The following ERCC8 variants were observed in gnomAD, a reference collection of about 807,000 sequenced individuals.
The protein encoded by ERCC8 is DNA excision repair protein ERCC-8.
A neutral mutation model predicts 54.9 loss-of-function variants in ERCC8; 52 were observed. The ratio of observed to expected loss-of-function variants is 0.95; its 90% CI spans 0.76 to 1.19. The LOEUF is 1.19. Ranked by LOEUF, ERCC8 falls within the 50% of genes most tolerant of loss-of-function variation. The pLI, the probability that ERCC8 is intolerant of heterozygous loss-of-function variation, is 0.00. For missense variants in ERCC8, 514 were observed against 466.1 expected (o/e 1.10, Z -0.95); for synonymous variants, 146 against 157.2 (o/e 0.93, Z 0.53).
intron 7 of ERCC8, 87 bp downstream of exon 7, chr5:60,902,355 C>T: frequency 1.0e-6 from 1 of 990,348 alleles, no homozygotes; most frequent in Non-Finnish European, 1.5e-6. Context: ...ATTAAATATG[C>T]TAAAATATAT....
intron 11 of ERCC8, among the ~76,000 whole-genome samples, chr5:60,887,042 T>C (rs1451095717): frequency 6.6e-6 from 1 of 152,220 alleles, no homozygotes; most frequent in Non-Finnish European, 1.5e-5. Flanking sequence ...CCAACCATGA[T>C]ATGAACTATG....
At chr5:60,914,543 C>T (rs1749369754) in intron 4 of ERCC8, among the ~76,000 whole-genome samples, 1 of 151,832 alleles carries the variant, frequency 6.6e-6, no homozygotes, top group African/African-American at 2.4e-5. Context: ...GTAATCCCAA[C>T]ACTTTCAGAG....
At chr5:60,942,344 C>T (rs1245952708) in intron 1 of ERCC8, among the ~76,000 whole-genome samples, 1 of 151,930 alleles carries the variant, frequency 6.6e-6, no homozygotes, top group Non-Finnish European at 1.5e-5. Flanking sequence ...TACAATGACT[C>T]ATACATGAAT....
chr5:60,896,280 G>A (rs766970981), intron 9 of ERCC8, among the ~76,000 whole-genome samples: 1 of 152,122 alleles, frequency 6.6e-6, no homozygotes, highest in Non-Finnish European at 1.5e-5. Context: ...GCAATGGCGC[G>A]ATCTCGGCTC....
rs969735778 is a variant in ERCC8, at chr5:60,869,678, T to C, written c.*4937A>G. 6.6e-6 allele frequency among the ~76,000 whole-genome samples: 1 copy of C among 152,204 alleles called. No individual in the cohort carries two copies. The highest frequency in any genetic ancestry group is 1.5e-5 in the Non-Finnish European group (1 of 68,024). Reference sequence around the variant, plus strand: ...AAGTTTAAAAGAGAGGTCAAGCTGATCTACGATGTGATTTTTTAGGCTTCT... The same window carrying C: ...AAGTTTAAAAGAGAGGTCAAGCTGACCTACGATGTGATTTTTTAGGCTTCT... On this transcript the variant is annotated 3_prime_UTR_variant, in exon 12 of 12. Coordinates refer to ENST00000676185, the MANE Select transcript of ERCC8 (RefSeq NM_000082.4).
At chr5:60,877,889 A>C (rs371959385) in intron 11 of ERCC8, among the ~76,000 whole-genome samples, 10 of 152,054 alleles carry the variant, frequency 6.6e-5, no homozygotes, top group East Asian at 1.9e-4. Flanking sequence ...ATTGCCCTGG[A>C]CAGAACTTCC....
At chr5:60,879,466 G>C (rs1171015034) in intron 11 of ERCC8, among the ~76,000 whole-genome samples, 1 of 152,112 alleles carries the variant, frequency 6.6e-6, no homozygotes, top group Non-Finnish European at 1.5e-5. Context: ...GTTGACAGTG[G>C]GGTGTTAAAG....
intron 2 of ERCC8, chr5:60,924,629 T>C (rs377431648): frequency 1.9e-4 from 29 of 154,704 alleles, no homozygotes; most frequent in African/African-American, 6.7e-4. Context: ...TAATATTTAT[T>C]CTGCTCTTTT....
intron 11 of ERCC8, among the ~76,000 whole-genome samples, chr5:60,875,660 A>G (rs1747975306): frequency 6.6e-6 from 1 of 152,108 alleles, no homozygotes; most frequent in Non-Finnish European, 1.5e-5. Context: ...ACTACTCTTA[A>G]ATTATTTTAG....
At chr5:60,915,862 G>A (rs940416641) in intron 4 of ERCC8, among the ~76,000 whole-genome samples, 2 of 151,846 alleles carry the variant, frequency 1.3e-5, no homozygotes, top group East Asian at 1.9e-4. Flanking sequence ...ATTCCCCTTC[G>A]TATGTTCTAG....
intron 4 of ERCC8, among the ~76,000 whole-genome samples, chr5:60,910,463 G>T (rs1749224944): frequency 6.6e-6 from 1 of 152,114 alleles, no homozygotes; most frequent in African/African-American, 2.4e-5. Flanking sequence ...CTATAGATCA[G>T]TTTGGGTAGA....
intron 10 of ERCC8, among the ~76,000 whole-genome samples, chr5:60,889,227 G>C (rs1748478919): frequency 6.6e-6 from 1 of 152,150 alleles, no homozygotes; most frequent in Non-Finnish European, 1.5e-5. Context: ...AATCTTTTTA[G>C]TTTGTACTTC....
At chr5:60,883,533 C>A (rs17332991) in intron 11 of ERCC8, among the ~76,000 whole-genome samples, 11,649 of 152,160 alleles carry the variant, frequency 0.077, 604 homozygotes, top group Non-Finnish European at 0.11. Flanking sequence ...TTAGAGGGGA[C>A]CTAGTTATGA....
intron 3 of ERCC8, chr5:60,919,709 T>C (rs758094991): frequency 6.6e-6 from 1 of 152,002 alleles, no homozygotes; most frequent in Non-Finnish European, 1.5e-5. Context: ...ATAGGATAAA[T>C]TAAACTAGTG....
At chr5:60,926,757 G>A (rs898697234) in intron 2 of ERCC8, among the ~76,000 whole-genome samples, 12 of 152,112 alleles carry the variant, frequency 7.9e-5, no homozygotes, top group African/African-American at 1.7e-4. Context: ...CTTTTGCTTC[G>A]TAATTAATCT....
intron 11 of ERCC8, among the ~76,000 whole-genome samples, chr5:60,883,025 C>T (rs1410464953): frequency 6.6e-6 from 1 of 151,174 alleles, no homozygotes; most frequent in Non-Finnish European, 1.5e-5. Context: ...GTGGATAAGC[C>T]ACATGAGGGC....
At chr5:60,938,086 T>TATATATATATA (rs1561519180) in intron 1 of ERCC8, among the ~76,000 whole-genome samples, 2 of 24,052 alleles carry the variant, frequency 8.3e-5, no homozygotes, top group Non-Finnish European at 1.6e-4. Flanking sequence ...TATATATATA[T>TATATATATATA]TTTATTTTTT....
intron 2 of ERCC8, among the ~76,000 whole-genome samples, chr5:60,922,808 G>C (rs1251928943): frequency 6.6e-6 from 1 of 152,086 alleles, no homozygotes. Context: ...TCTTCGCAGA[G>C]TTTACAATCC....
At chr5:60,934,873 TAA>T (rs1402667127) in intron 1 of ERCC8, among the ~76,000 whole-genome samples, 1 of 152,234 alleles carries the variant, frequency 6.6e-6, no homozygotes, top group African/African-American at 2.4e-5. Flanking sequence ...CAGCTAGCTG[TAA>T]GTATTTGGCT....
Sources: gnomAD v4.1 joint callset for allele counts (sites outside exome capture counted in the v4.1 genomes callset) on GRCh38, gnomAD v4.1.1 for gene constraint, MANE v1.5 for transcripts, NCBI Gene and HGNC (gene_info 2026-07-23, HGNC 2026-07-21) for gene names.